WDR33: variants seen among roughly 807,000 people sequenced by gnomAD.
WDR33 encodes WD repeat domain 33, also known as pre-mRNA 3' end processing protein WDR33.
WDR33 carries 47 observed loss-of-function variants against 164.9 expected under a neutral mutation model. The observed-to-expected ratio is 0.29, with a 90% CI of 0.23 to 0.36. The LOEUF (loss-of-function observed/expected upper bound fraction) is 0.36, where lower values mean the gene tolerates loss of function less well. Ranked by LOEUF, WDR33 falls within the 10% of genes least tolerant of loss-of-function variation. WDR33 has a pLI of 1.00. For synonymous variants in WDR33, 505 were observed against 589.0 expected, an observed-to-expected ratio of 0.86 and a Z score of 2.06; for missense variants, 1,137 against 1,754.1, an observed-to-expected ratio of 0.65 and a Z score of 6.28.
Position 127,712,865 on chromosome 2 carries a change from C to T in WDR33, c.3308+718G>A, listed in dbSNP as rs1227394306. Reference sequence around the variant, plus strand: ...AGCCTCCTGGCCTCAGCTGATCCTCCCACCTCAGCTTCCTGAGTAGCTAGG... The same window carrying T: ...AGCCTCCTGGCCTCAGCTGATCCTCTCACCTCAGCTTCCTGAGTAGCTAGG... On this transcript the variant is annotated intron_variant, in intron 18 of 21. Coordinates refer to ENST00000322313, the MANE Select transcript of WDR33 (RefSeq NM_018383.5). This position sits in a 1 kb window ranked among gnomAD's most constrained non-coding sequence, Gnocchi z 4.0. Among the ~76,000 whole-genome samples the T allele has an allele frequency of 1.3e-5, 2 of 152,164 alleles. No homozygotes were observed. Among genetic ancestry groups the T allele is most frequent in the East Asian group, 3.9e-4 (2 of 5,194 alleles).
chr2:127,766,727 A>T (rs1687832918), intron 4 of WDR33, among the ~76,000 whole-genome samples: 1 of 152,202 alleles, frequency 6.6e-6, no homozygotes, highest in South Asian at 2.1e-4. Flanking sequence ...TGATTAAAAA[A>T]AAAATTAGAC....
At position 127,770,519 on chromosome 2, in the gene WDR33, C is replaced by T. The variant is rs766149156; in HGVS notation, c.204+259G>A. Among the ~76,000 whole-genome samples the T allele has an allele frequency of 2.6e-5, 4 of 151,954 alleles. No individual in the cohort carries two copies. The highest frequency in any genetic ancestry group is 4.4e-5 in the Non-Finnish European group (3 of 68,002). On this transcript the variant is annotated intron_variant, in intron 2 of 21. Coordinates refer to ENST00000322313, the MANE Select transcript of WDR33 (RefSeq NM_018383.5). The surrounding 1 kb of genome is among the most constrained non-coding windows in gnomAD (Gnocchi z 4.9). ...AGCCTGGCCAACATGGTTGAAATTA[C>T]GTCTCTACTAAAACTACAAAAATTA...
In WDR33 at chr2:127,763,246, T is replaced by G; in HGVS notation, c.627-87A>C. The G allele has an allele frequency of 1.3e-6, 2 of 1,596,258 alleles. No homozygotes were observed. Among genetic ancestry groups the G allele is most frequent in the Non-Finnish European group, 1.7e-6 (2 of 1,170,116 alleles). ...CTCAGACAGGGAAAAATAAAAACAC[T>G]GTGCTGCATTATAAACAGGAGAGGG... is the stretch of plus-strand genomic sequence containing the variant. On this transcript the variant is annotated intron_variant, in intron 6 of 21. Coordinates refer to ENST00000322313, the MANE Select transcript of WDR33 (RefSeq NM_018383.5). This position sits in a 1 kb window ranked among gnomAD's most constrained non-coding sequence, Gnocchi z 4.5.
At position 127,710,109 on chromosome 2, in the gene WDR33, CAAG is replaced by C. The variant is rs1686123336; in HGVS notation, c.3309-256_3309-254del. Among the ~76,000 whole-genome samples, 1 of 152,148 alleles carries C rather than the reference CAAG, an allele frequency of 6.6e-6. No homozygotes were observed. Among genetic ancestry groups the C allele is most frequent in the African/African-American group, 2.4e-5 (1 of 41,428 alleles). ...CTTCTTTTAGGCTTTTAGGTATATA[CAAG>C]TATTACTTCATTTCATTCATTTCAT... On this transcript the variant is annotated intron_variant, in intron 18 of 21. Coordinates refer to ENST00000322313, the MANE Select transcript of WDR33 (RefSeq NM_018383.5). The surrounding 1 kb of genome is among the most constrained non-coding windows in gnomAD (Gnocchi z 4.4).
At position 127,707,251 on chromosome 2, in the gene WDR33, AAAAG is replaced by A. The variant is rs1479670980; in HGVS notation, c.3782-703_3782-700del. On this transcript the variant is annotated intron_variant, in intron 21 of 21. Transcript: ENST00000322313. ...ATTTAAAAAAAAAAAAAAAAGAAAA[AAAAG>A]AAAGGAAAAGGAAAAAAAATTCTAT... Among the ~76,000 whole-genome samples the A allele has an allele frequency of 1.1e-3, 172 of 151,968 alleles. 1 individual carries two copies. Among genetic ancestry groups the A allele is most frequent in the African/African-American group, 3.6e-3 (148 of 41,502 alleles).
rs1307793646 is a variant in WDR33 at position 127,723,431 on chromosome 2, A to G, written c.1197-84T>C. On this transcript the variant is annotated intron_variant, in intron 11 of 21. Transcript: ENST00000322313. The surrounding 1 kb of genome is among the most constrained non-coding windows in gnomAD (Gnocchi z 5.9). The stretch of plus-strand genomic sequence containing the variant: ...ACAGTACTAGGCAGACCCTTGGTAA[A>G]CACAACACATTTTTACAATTTGTTT... The G allele has an allele frequency of 2.1e-5, 22 of 1,045,720 alleles. No individual in the cohort carries two copies. Among genetic ancestry groups the G allele is most frequent in the Non-Finnish European group, 3.0e-5 (21 of 696,858 alleles). 64.8% of individuals were successfully genotyped at this position (1,045,720 alleles called of 1,614,324 possible).
intron 1 of WDR33, among the ~76,000 whole-genome samples, chr2:127,776,792 CAGAA>C (rs2105453110): frequency 6.6e-6 from 1 of 152,308 alleles, no homozygotes; most frequent in East Asian, 1.9e-4. Context: ...TTGACCACGA[CAGAA>C]AGAACCAATC....
chr2:127,771,214 TCA>T (rs1180417286), intron 1 of WDR33, among the ~76,000 whole-genome samples: 1 of 152,190 alleles, frequency 6.6e-6, no homozygotes, highest in African/African-American at 2.4e-5. Flanking sequence ...TGTACAAACT[TCA>T]CAGAGTTGTA....
At chr2:127,789,528 C>A (rs1370766078) in intron 1 of WDR33, among the ~76,000 whole-genome samples, 1 of 146,850 alleles carries the variant, frequency 6.8e-6, no homozygotes, top group South Asian at 2.2e-4. Flanking sequence ...AGCGAAACCC[C>A]GTCTCCACCA....
intron 1 of WDR33, among the ~76,000 whole-genome samples, chr2:127,802,574 G>A (rs889901140): frequency 6.6e-6 from 1 of 152,110 alleles, no homozygotes; most frequent in African/African-American, 2.4e-5. Flanking sequence ...GAGCCACCAC[G>A]CCCAGCCAGT....
intron 7 of WDR33, among the ~76,000 whole-genome samples, chr2:127,744,488 T>C (rs921365625): frequency 1.3e-5 from 2 of 152,180 alleles, no homozygotes; most frequent in African/African-American, 4.8e-5. Flanking sequence ...ATACGTAGTA[T>C]AATCTCCTTT....
chr2:127,810,493 A>C (rs10200715), intron 1 of WDR33, among the ~76,000 whole-genome samples: 3,235 of 152,294 alleles, frequency 0.021, 124 homozygotes, highest in African/African-American at 0.075. Context: ...GCACAAACCA[A>C]ATAGAAATAC....
At chr2:127,771,693 A>C (rs1413361062) in intron 1 of WDR33, among the ~76,000 whole-genome samples, 1 of 150,582 alleles carries the variant, frequency 6.6e-6, no homozygotes, top group Non-Finnish European at 1.5e-5. Context: ...CAGGAGAATC[A>C]CTTGAGTCCA....
At chr2:127,768,526 CAGTACTAACCCAGTACAAGTTAGTACA>C (rs1236732394) in intron 3 of WDR33, among the ~76,000 whole-genome samples, 2 of 152,088 alleles carry the variant, frequency 1.3e-5, no homozygotes, top group Non-Finnish European at 2.9e-5. Context: ...AATCAAGTAC[CAGTACTAACCCAGTACAAGTTAGTACA>C]AGTACTAACC....
chr2:127,708,915 T>G lies in WDR33; in HGVS notation c.3566-23A>C. 3.3e-6 allele frequency: 5 copies of G among 1,532,844 alleles called. No homozygotes were observed. The highest frequency in any genetic ancestry group is 1.3e-5 in the South Asian group (1 of 78,636). 95.0% of individuals were successfully genotyped at this position (1,532,844 alleles called of 1,614,324 possible). The stretch of plus-strand genomic sequence containing the variant: ...GCCCTGAAACAAGAAACAAATCTCC[T>G]TACAGGAAAGCACAGTGTGACCAGA... On this transcript the variant is annotated intron_variant, in intron 20 of 21. Coordinates refer to ENST00000322313, the MANE Select transcript of WDR33 (RefSeq NM_018383.5). This position sits in a 1 kb window ranked among gnomAD's most constrained non-coding sequence, Gnocchi z 6.7.
intron 7 of WDR33, among the ~76,000 whole-genome samples, chr2:127,759,066 A>T (rs1048725637): frequency 1.1e-4 from 16 of 152,148 alleles, no homozygotes; most frequent in African/African-American, 3.9e-4. Context: ...TTTCTTTTTA[A>T]TTTTTAATAA....
intron 1 of WDR33, among the ~76,000 whole-genome samples, chr2:127,782,028 G>T (rs183396953): frequency 0.014 from 1,966 of 145,486 alleles, 51 homozygotes; most frequent in African/African-American, 0.049. Context: ...AAAAATCCAT[G>T]CTGAGAACAC....
rs1444878809 is a variant in WDR33, at chr2:127,704,099, A to G, written c.*2224T>C. On this transcript the variant is annotated 3_prime_UTR_variant, in exon 22 of 22. Transcript: ENST00000322313. Reference sequence around the variant, plus strand: ...TGATCACACCACTGCACCACAGCCTAGGCAACAGCGAGACCTTGTCTCAAA... The same window carrying G: ...TGATCACACCACTGCACCACAGCCTGGGCAACAGCGAGACCTTGTCTCAAA... The G allele has an allele frequency of 6.0e-6, 1 of 166,674 alleles. No homozygotes were observed. The highest frequency in any genetic ancestry group is 2.4e-5 in the African/African-American group (1 of 41,386). The allele number at this position is 166,674 out of a possible 1,614,324, so 10.3% of individuals were successfully genotyped here.
chr2:127,728,563 T>C (rs1258524103), intron 7 of WDR33, among the ~76,000 whole-genome samples: 1 of 152,186 alleles, frequency 6.6e-6, no homozygotes, highest in African/African-American at 2.4e-5. Flanking sequence ...TGCTGTTGCT[T>C]TGTCTTTTAA....
Sources: gnomAD v4.1 joint callset for allele counts (sites outside exome capture counted in the v4.1 genomes callset) on GRCh38, gnomAD v4.1.1 for gene constraint, Gnocchi (gnomAD v3.1) non-coding constraint, MANE v1.5 for transcripts, NCBI Gene and HGNC (gene_info 2026-07-23, HGNC 2026-07-21) for gene names.